Variants in N4BP2L2 observed in about 807,000 individuals in gnomAD.
N4BP2L2 encodes NEDD4 binding protein 2 like 2, also known as NEDD4-binding protein 2-like 2.
N4BP2L2 carries 50 observed loss-of-function variants against 56.2 expected under a neutral mutation model. The observed-to-expected ratio is 0.89, with a 90% confidence interval of 0.71 to 1.13. N4BP2L2 has a LOEUF of 1.13. Ranked by LOEUF, N4BP2L2 falls within the 50% of genes most tolerant of loss-of-function variation. The pLI, the probability that N4BP2L2 is intolerant of heterozygous loss-of-function variation, is 0.00. For synonymous variants in N4BP2L2, 203 were observed against 223.6 expected (o/e 0.91, Z 0.82); for missense variants, 689 against 693.8 (o/e 0.99, Z 0.08).
chr13:32,486,955 C>T (rs753571964), intron 6 of N4BP2L2, among the ~76,000 whole-genome samples: 2 of 152,008 alleles, frequency 1.3e-5, no homozygotes, highest in African/African-American at 4.8e-5. Flanking sequence ...GCCGAGATCA[C>T]GCCACTGCAC....
chr13:32,477,577 C>G (rs911366932), intron 6 of N4BP2L2: 8 of 267,464 alleles, frequency 3.0e-5, no homozygotes, highest in Admixed American at 2.7e-4. Flanking sequence ...TTCCAGTGAA[C>G]CTCAGTTGAT....
At chr13:32,481,118 CAAAAAAAAAAA>C (rs60854435) in intron 6 of N4BP2L2, among the ~76,000 whole-genome samples, 22 of 20,714 alleles carry the variant, frequency 1.1e-3, no homozygotes, top group East Asian at 2.0e-3. Context: ...GACTCTGTCT[CAAAAAAAAAAA>C]AAAAAAAAAA....
At chr13:32,489,380 T>C (rs1463157431) in intron 6 of N4BP2L2, among the ~76,000 whole-genome samples, 1 of 152,218 alleles carries the variant, frequency 6.6e-6, no homozygotes, top group African/African-American at 2.4e-5. Flanking sequence ...AGTCCTAAGT[T>C]ACCATCTACC....
intron 6 of N4BP2L2, among the ~76,000 whole-genome samples, chr13:32,475,898 A>G (rs1313138122): frequency 1.3e-5 from 2 of 152,150 alleles, no homozygotes; most frequent in Non-Finnish European, 2.9e-5. Flanking sequence ...AAATACGGCA[A>G]AGGGAGAAGG....
At chr13:32,435,968 A>G (rs1024969662) in intron 9 of N4BP2L2, among the ~76,000 whole-genome samples, 15 of 152,192 alleles carry the variant, frequency 9.9e-5, no homozygotes, top group Admixed American at 9.2e-4. Context: ...GAGTTTGTCT[A>G]TATGTTTTAC....
At chr13:32,441,244 C>A (rs1193055503) in intron 7 of N4BP2L2, among the ~76,000 whole-genome samples, 5 of 152,144 alleles carry the variant, frequency 3.3e-5, no homozygotes, top group Non-Finnish European at 5.9e-5. Context: ...TTTCAGACTG[C>A]CTTTAAAAAG....
exon 8 of N4BP2L2, chr13:32,438,677 T>G: frequency 6.2e-7 from 1 of 1,608,866 alleles, no homozygotes; most frequent in Non-Finnish European, 8.5e-7. Flanking sequence ...CCATTGCAAG[T>G]AGATCATCTT....
At chr13:32,460,133 C>T (rs916688160) in intron 6 of N4BP2L2, among the ~76,000 whole-genome samples, 1 of 152,010 alleles carries the variant, frequency 6.6e-6, no homozygotes, top group Admixed American at 6.6e-5. Context: ...TCTCAAAAAA[C>T]TGGGCACAGA....
exon 2 of N4BP2L2, chr13:32,536,711 C>T (rs747075017): frequency 1.9e-6 from 3 of 1,614,090 alleles, no homozygotes; most frequent in Middle Eastern, 1.6e-4. Flanking sequence ...TAATGGAGGA[C>T]GTGCTTCCTG....
At chr13:32,432,936 T>C (rs1275596261) in exon 10 of N4BP2L2, 1 of 152,240 alleles carries the variant, frequency 6.6e-6, no homozygotes, top group Non-Finnish European at 1.5e-5. Flanking sequence ...TCCGTGATCA[T>C]GATCTTCAGC....
intron 7 of N4BP2L2, among the ~76,000 whole-genome samples, chr13:32,439,442 T>C (rs2075933450): frequency 1.3e-5 from 2 of 152,184 alleles, no homozygotes; most frequent in Admixed American, 1.3e-4. Context: ...TTCACAATAG[T>C]GTCTTGATGC....
At chr13:32,448,073 G>T (rs998775956) in intron 6 of N4BP2L2, among the ~76,000 whole-genome samples, 4 of 152,196 alleles carry the variant, frequency 2.6e-5, no homozygotes, top group African/African-American at 4.8e-5. Flanking sequence ...CCAGAGACAT[G>T]TACCAGTTCT....
intron 6 of N4BP2L2, among the ~76,000 whole-genome samples, chr13:32,461,653 G>A (rs2080094861): frequency 6.6e-6 from 1 of 152,178 alleles, no homozygotes; most frequent in East Asian, 1.9e-4. Context: ...CCAGGCTGGA[G>A]TGGCAGTGGT....
intron 2 of N4BP2L2, among the ~76,000 whole-genome samples, chr13:32,532,144 C>T (rs1040793303): frequency 3.3e-5 from 5 of 152,284 alleles, no homozygotes; most frequent in Admixed American, 6.5e-5. Context: ...TACCATCTAA[C>T]GCAACATATG....
chr13:32,521,133 A>G (rs1265437738), intron 5 of N4BP2L2, among the ~76,000 whole-genome samples: 1 of 152,204 alleles, frequency 6.6e-6, no homozygotes, highest in Non-Finnish European at 1.5e-5. Context: ...AAAGATAGAA[A>G]AGTGGGAGCA....
intron 6 of N4BP2L2, among the ~76,000 whole-genome samples, chr13:32,453,268 A>G (rs2078409114): frequency 6.6e-6 from 1 of 152,214 alleles, no homozygotes; most frequent in East Asian, 1.9e-4. Context: ...AAAAAAGAAA[A>G]GTCAACTAAT....
At position 32,491,477 on chromosome 13, in the gene N4BP2L2, T is replaced by C. The variant is rs189378266; in HGVS notation, c.365+26380A>G. On this transcript the variant is annotated intron_variant, in intron 6 of 9. Coordinates refer to the N4BP2L2 transcript ENST00000357505. ...ACCAAAAGAACTCTAGGCTACAAAGTAGTTATGTCAATAATCAACAGTTTT... is the reference window on the plus strand; with the variant it reads ...ACCAAAAGAACTCTAGGCTACAAAGCAGTTATGTCAATAATCAACAGTTTT... 2.8e-4 allele frequency among the ~76,000 whole-genome samples: 42 copies of C among 150,012 alleles called. 1 individual carries two copies. In the East Asian group the frequency reaches 4.9e-3, roughly 17 times the overall value.
chr13:32,481,832 A>G (rs1475973646), intron 6 of N4BP2L2, among the ~76,000 whole-genome samples: 1 of 152,214 alleles, frequency 6.6e-6, no homozygotes. Context: ...GGAACTTTGT[A>G]TCTGAATGCA....
At chr13:32,483,530 T>C (rs144495536) in intron 6 of N4BP2L2, among the ~76,000 whole-genome samples, 26 of 152,304 alleles carry the variant, frequency 1.7e-4, no homozygotes, top group African/African-American at 6.3e-4. Context: ...ATCACTAAAT[T>C]TCAGCACATC....
Sources: allele counts gnomAD v4.1 joint callset (sites outside exome capture counted in the v4.1 genomes callset), GRCh38; gene constraint gnomAD v4.1.1; transcripts MANE v1.5; gene names NCBI Gene and HGNC (gene_info 2026-07-23, HGNC 2026-07-21).